CTNNA1: variants seen among roughly 807,000 people sequenced by gnomAD.
CTNNA1 encodes catenin alpha-1.
Under a neutral mutation model 98.4 loss-of-function variants are expected in CTNNA1, and 37 were observed. That is an observed-to-expected ratio of 0.38 (90% CI 0.29 to 0.49). CTNNA1 has a LOEUF of 0.49. CTNNA1 is among the 20% of genes least tolerant of loss of function. The probability of loss-of-function intolerance (pLI) is 0.95; values close to 1 mark genes in which losing one functional copy is unlikely to be tolerated. For synonymous variants in CTNNA1, 404 were observed against 413.2 expected (o/e 0.98, Z 0.27); for missense variants, 761 against 1,147.2 (o/e 0.66, Z 4.86).
chr5:138,929,161 C>G (rs542178491), intron 13 of CTNNA1, 85 bp from the exon 14 acceptor site: 1 of 796,176 alleles, frequency 1.3e-6, no homozygotes, highest in South Asian at 1.3e-5. Flanking sequence ...TCTGGGCCTC[C>G]GTGCACCTGG....
At chr5:138,900,598 G>A (rs1352269140) in intron 9 of CTNNA1, among the ~76,000 whole-genome samples, 1 of 152,154 alleles carries the variant, frequency 6.6e-6, no homozygotes, top group Non-Finnish European at 1.5e-5. Context: ...TTGAAATAAA[G>A]TCATAATGGG....
chr5:138,766,284 C>T (rs993843457), intron 1 of CTNNA1, among the ~76,000 whole-genome samples: 3 of 152,104 alleles, frequency 2.0e-5, no homozygotes, highest in Non-Finnish European at 2.9e-5. Flanking sequence ...GAAGGGTGCT[C>T]TGGGCAGAGG....
At chr5:138,781,868 A>G (rs1755151705) in intron 1 of CTNNA1, 55 bp from the exon 2 acceptor site, 5 of 1,486,794 alleles carry the variant, frequency 3.4e-6, no homozygotes, top group Non-Finnish European at 4.5e-6. Context: ...GATTTGTTAC[A>G]TATTTCATGT....
intron 13 of CTNNA1, 39 bp downstream of exon 13, chr5:138,925,446 C>A: frequency 6.2e-7 from 1 of 1,600,262 alleles, no homozygotes; most frequent in Non-Finnish European, 8.5e-7. Flanking sequence ...CAGCTTCTTT[C>A]TTATCATTTG....
chr5:138,881,502 C>A (rs1338163112), intron 7 of CTNNA1, among the ~76,000 whole-genome samples: 1 of 152,190 alleles, frequency 6.6e-6, no homozygotes, highest in Admixed American at 6.5e-5. Flanking sequence ...TGTATTGACT[C>A]CCTAAAAGCT....
At chr5:138,791,016 C>T (rs1432817493) in intron 3 of CTNNA1, 2 of 152,096 alleles carry the variant, frequency 1.3e-5, no homozygotes, top group Non-Finnish European at 2.9e-5. Context: ...ATCCTTTGTC[C>T]CCCAGATGGC....
chr5:138,824,909 G>T (rs1760487367), intron 6 of CTNNA1, 110 bp downstream of exon 6: 1 of 994,302 alleles, frequency 1.0e-6, no homozygotes, highest in Non-Finnish European at 1.5e-6. Flanking sequence ...TTTCCACTTA[G>T]ATCTTTAATC....
At chr5:138,865,459 T>C (rs1372632340) in intron 7 of CTNNA1, among the ~76,000 whole-genome samples, 1 of 152,230 alleles carries the variant, frequency 6.6e-6, no homozygotes, top group Admixed American at 6.5e-5. Flanking sequence ...TACAGCTGGC[T>C]CCATTTTATA....
intron 5 of CTNNA1, 135 bp from the exon 6 acceptor site, chr5:138,824,395 T>G: frequency 1.0e-6 from 1 of 987,852 alleles, no homozygotes; most frequent in Non-Finnish European, 1.5e-6. Flanking sequence ...TGATTGACTC[T>G]CAACTAGATT....
chr5:138,776,530 A>G (rs1754205817), intron 1 of CTNNA1, among the ~76,000 whole-genome samples: 1 of 152,260 alleles, frequency 6.6e-6, no homozygotes. Flanking sequence ...CGCCATCGTC[A>G]TCATGGCCCG....
chr5:138,928,189 C>A (rs1764537521), intron 13 of CTNNA1, among the ~76,000 whole-genome samples: 2 of 152,210 alleles, frequency 1.3e-5, no homozygotes, highest in Non-Finnish European at 2.9e-5. Flanking sequence ...GGGCTGAGCG[C>A]CAACCCCAGC....
Position 138,873,159 on chromosome 5 carries a change from G to C in CTNNA1, c.1063-13053G>C. 1 of 1,613,924 alleles carries C rather than the reference G, an allele frequency of 6.2e-7. No individual in the cohort carries two copies. On this transcript the variant is annotated intron_variant, in intron 7 of 17. Transcript: ENST00000302763. This position sits in a 1 kb window ranked among gnomAD's most constrained non-coding sequence, Gnocchi z 6.1. Reference sequence around the variant, plus strand: ...GACATATGGAGTCGTGTTTGGGATCGGAGCTGCCTGTGGTTCTGAACCATT... The same window carrying C: ...GACATATGGAGTCGTGTTTGGGATCCGAGCTGCCTGTGGTTCTGAACCATT...
intron 5 of CTNNA1, among the ~76,000 whole-genome samples, chr5:138,814,879 G>A (rs865882967): frequency 3.9e-5 from 6 of 151,924 alleles, no homozygotes; most frequent in Non-Finnish European, 5.9e-5. Flanking sequence ...TCAGGCTCCC[G>A]AGTAGCTGGG....
chr5:138,849,090 T>G (rs772881439), intron 7 of CTNNA1, among the ~76,000 whole-genome samples: 74 of 152,232 alleles, frequency 4.9e-4, no homozygotes, highest in Non-Finnish European at 9.3e-4. Flanking sequence ...TCGTCAGTGT[T>G]CATTCTCTGA....
At chr5:138,929,464 CTCTG>C (rs1764846768) in intron 14 of CTNNA1, 108 bp downstream of exon 14, 2 of 633,904 alleles carry the variant, frequency 3.2e-6, no homozygotes, top group African/African-American at 3.6e-5. Flanking sequence ...GTTTCTCTCT[CTCTG>C]TCTCTCTGGC....
chr5:138,873,113 G>C lies in CTNNA1; in HGVS notation c.1063-13099G>C, dbSNP rs779631552. 6.2e-7 allele frequency: 1 copy of C among 1,613,904 alleles called. No homozygotes were observed. Among genetic ancestry groups the C allele is most frequent in the Non-Finnish European group, 8.5e-7 (1 of 1,179,858 alleles). ...ATGGGTGGGTTCATATTCATTATAC[G>C]GTCCTTGGTCTGACATGTTTGACAT... On this transcript the variant is annotated intron_variant, in intron 7 of 17. Transcript: ENST00000302763. This position sits in a 1 kb window ranked among gnomAD's most constrained non-coding sequence, Gnocchi z 6.1.
intron 1 of CTNNA1, among the ~76,000 whole-genome samples, chr5:138,767,180 C>T (rs1274590893): frequency 1.3e-5 from 2 of 152,078 alleles, no homozygotes; most frequent in Non-Finnish European, 2.9e-5. Context: ...GGACTACAGG[C>T]GCCCGCCATC....
chr5:138,810,983 T>A (rs1758658388), intron 4 of CTNNA1, among the ~76,000 whole-genome samples: 1 of 141,668 alleles, frequency 7.1e-6, no homozygotes, highest in Non-Finnish European at 1.5e-5. Flanking sequence ...CCCCCCCACC[T>A]CCCTCCCGGA....
intron 7 of CTNNA1, among the ~76,000 whole-genome samples, chr5:138,846,487 A>G (rs1458474222): frequency 1.3e-5 from 2 of 152,180 alleles, no homozygotes; most frequent in Non-Finnish European, 2.9e-5. Flanking sequence ...TAATGATGTG[A>G]TATGTATTTT....
Sources: gnomAD v4.1 joint callset for allele counts (sites outside exome capture counted in the v4.1 genomes callset) on GRCh38, gnomAD v4.1.1 for gene constraint, Gnocchi (gnomAD v3.1) non-coding constraint, MANE v1.5 for transcripts, NCBI Gene and HGNC (gene_info 2026-07-23, HGNC 2026-07-21) for gene names.